The following VGLL3 variants were observed in gnomAD, a reference collection of about 807,000 sequenced individuals.
VGLL3 encodes the protein vestigial like family member 3, also known as transcription cofactor vestigial-like protein 3.
In VGLL3, 18 loss-of-function variants were observed where a neutral mutation model predicts 29.2. The observed-to-expected ratio is 0.62, with a 90% CI of 0.43 to 0.91. The LOEUF is 0.91. Among genes scored for constraint, VGLL3 ranks in the 40% least tolerant of loss-of-function variants. The pLI is 0.00. For missense variants in VGLL3, 440 were observed against 413.2 expected (o/e 1.06, Z -0.56); for synonymous variants, 180 against 151.8 (o/e 1.19, Z -1.36).
chr3:86,962,150 C>T (rs907183878), intron 3 of VGLL3: 3 of 985,206 alleles, frequency 3.0e-6, no homozygotes, highest in South Asian at 4.7e-5. Context: ...TGATAACAGC[C>T]TCTTGGTAAA....
chr3:86,963,459 G>C (rs112257316), intron 3 of VGLL3, among the ~76,000 whole-genome samples: 78 of 152,310 alleles, frequency 5.1e-4, no homozygotes, highest in African/African-American at 1.8e-3. Flanking sequence ...TTATTCCTAA[G>C]AGGAATAGGA....
At chr3:86,957,836 A>C (rs975276685) in intron 3 of VGLL3, among the ~76,000 whole-genome samples, 3 of 152,044 alleles carry the variant, frequency 2.0e-5, no homozygotes, top group Non-Finnish European at 4.4e-5. Flanking sequence ...CTTTCAATGC[A>C]TACATACAAA....
chr3:86,968,614 C>A lies in VGLL3; in HGVS notation c.913G>T (p.Val305Leu). ...CCTGTATCGAATCCCACGCTGGGCACTATGTCTACTGTTCCATGAAAGGCT... is the reference window on the plus strand; with the variant it reads ...CCTGTATCGAATCCCACGCTGGGCAATATGTCTACTGTTCCATGAAAGGCT... The part of the protein sequence containing the change: ...AGAFHGTVDI[V>L]PSVGFDTGLQ... Residue 305 changes from valine to leucine, a missense_variant, in exon 3 of 4, where the codon GTG becomes TTG. Coordinates refer to ENST00000398399, the MANE Select transcript of VGLL3 (RefSeq NM_016206.4). 6.2e-7 allele frequency: 1 copy of A among 1,614,010 alleles called. No homozygotes were observed. The highest frequency in any genetic ancestry group is 8.5e-7 in the Non-Finnish European group (1 of 1,180,016).
intron 1 of VGLL3, among the ~76,000 whole-genome samples, chr3:86,988,338 G>A (rs534681056): frequency 8.6e-5 from 13 of 151,850 alleles, no homozygotes; most frequent in African/African-American, 2.9e-4. Flanking sequence ...TCCCATGTAC[G>A]GAGAAAACAA....
intron 2 of VGLL3, among the ~76,000 whole-genome samples, chr3:86,972,884 A>G (rs1439868973): frequency 6.6e-6 from 1 of 151,604 alleles, no homozygotes; most frequent in Non-Finnish European, 1.5e-5. Flanking sequence ...ACACATACAT[A>G]CACACGAGTT....
intron 1 of VGLL3, among the ~76,000 whole-genome samples, chr3:86,986,041 A>G (rs1705433794): frequency 9.6e-6 from 1 of 104,620 alleles, no homozygotes; most frequent in Non-Finnish European, 2.4e-5. Flanking sequence ...ACACACACAC[A>G]CGTATACACA....
chr3:86,949,618 A>G (rs1704573939), intron 3 of VGLL3, among the ~76,000 whole-genome samples: 1 of 151,954 alleles, frequency 6.6e-6, no homozygotes, highest in African/African-American at 2.4e-5. Context: ...CGAGGTCAGG[A>G]GATCGAGACC....
At chr3:86,990,413 A>C (rs1299862057) in intron 1 of VGLL3, 7 of 983,686 alleles carry the variant, frequency 7.1e-6, no homozygotes, top group Non-Finnish European at 8.5e-6. Context: ...TGAAGCCCCC[A>C]GCTAGGTCAT....
chr3:86,960,756 A>G lies in VGLL3; in HGVS notation c.937+7834T>C, dbSNP rs142762521. Reference sequence around the variant, plus strand: ...GTGTTTAATATCTGGATATAATCACAGTTTGGGGCCAGCTCATATAATGAC... The same window carrying G: ...GTGTTTAATATCTGGATATAATCACGGTTTGGGGCCAGCTCATATAATGAC... On this transcript the variant is annotated intron_variant, in intron 3 of 3. Transcript: ENST00000398399. 4.2e-3 allele frequency among the ~76,000 whole-genome samples: 636 copies of G among 152,082 alleles called. 6 individuals are homozygous for G. Among genetic ancestry groups the G allele is most frequent in the African/African-American group, 0.015 (604 of 41,486 alleles).
At chr3:86,980,717 T>C (rs1389831251) in intron 1 of VGLL3, among the ~76,000 whole-genome samples, 1 of 152,142 alleles carries the variant, frequency 6.6e-6, no homozygotes, top group Admixed American at 6.5e-5. Flanking sequence ...TTATGATTTA[T>C]TAGTCAAATC....
At chr3:86,965,465 T>C (rs1458711257) in intron 3 of VGLL3, among the ~76,000 whole-genome samples, 1 of 152,150 alleles carries the variant, frequency 6.6e-6, no homozygotes, top group African/African-American at 2.4e-5. Flanking sequence ...CTGCTACCCC[T>C]TCCTAGCTTG....
At chr3:86,988,568 G>T (rs190753512) in intron 1 of VGLL3, among the ~76,000 whole-genome samples, 1 of 135,620 alleles carries the variant, frequency 7.4e-6, no homozygotes, top group Non-Finnish European at 1.5e-5. Flanking sequence ...TAAAAGAACA[G>T]TAGTTACACT....
intron 1 of VGLL3, among the ~76,000 whole-genome samples, chr3:86,980,946 C>T (rs1705313415): frequency 6.6e-6 from 1 of 151,878 alleles, no homozygotes; most frequent in South Asian, 2.1e-4. Flanking sequence ...TAATGTCCAG[C>T]TCAGCATCAG....
At chr3:86,956,505 G>C (rs564841261) in intron 3 of VGLL3, among the ~76,000 whole-genome samples, 29 of 152,306 alleles carry the variant, frequency 1.9e-4, no homozygotes, top group African/African-American at 6.3e-4. Flanking sequence ...GAAAATACTT[G>C]GCCTGGCGCA....
At position 86,939,066 on chromosome 3, in the gene VGLL3, A is replaced by T. The variant is rs2232716; in HGVS notation, c.*7958T>A. ...ACCCTTTGGATTCTGAAGCACTATA[A>T]TAACTACATGAAACATTTGAAATAG... is the stretch of plus-strand genomic sequence containing the variant. On this transcript the variant is annotated 3_prime_UTR_variant, in exon 4 of 4. Coordinates refer to ENST00000398399, the MANE Select transcript of VGLL3 (RefSeq NM_016206.4). The T allele has an allele frequency of 6.6e-6, 1 of 152,174 alleles. No homozygotes were observed. Among genetic ancestry groups the T allele is most frequent in the Non-Finnish European group, 1.5e-5 (1 of 68,048 alleles). 9.4% of individuals were successfully genotyped at this position (152,174 alleles called of 1,614,324 possible). A position where few individuals can be genotyped will look rare whatever the true frequency, so the allele number is the denominator to read the frequency against.
chr3:86,952,693 C>A (rs1704639588), intron 3 of VGLL3, among the ~76,000 whole-genome samples: 1 of 152,076 alleles, frequency 6.6e-6, no homozygotes, highest in Non-Finnish European at 1.5e-5. Flanking sequence ...GGTAACATTT[C>A]TATATTTAAA....
intron 3 of VGLL3, among the ~76,000 whole-genome samples, chr3:86,961,637 G>C (rs937795093): frequency 1.3e-5 from 2 of 152,148 alleles, no homozygotes; most frequent in African/African-American, 4.8e-5. Context: ...AAGGGGCCCA[G>C]TATAATACTC....
intron 1 of VGLL3, among the ~76,000 whole-genome samples, chr3:86,982,828 C>G (rs1705354949): frequency 6.6e-6 from 1 of 152,184 alleles, no homozygotes; most frequent in Non-Finnish European, 1.5e-5. Flanking sequence ...CTCTTCACCA[C>G]TACATAGTTA....
At chr3:86,972,889 C>A (rs13077907) in intron 2 of VGLL3, among the ~76,000 whole-genome samples, 81 of 150,986 alleles carry the variant, frequency 5.4e-4, no homozygotes, top group Middle Eastern at 3.4e-3. Context: ...TACATACACA[C>A]GAGTTTATTT....
Sources: gnomAD v4.1 joint callset for allele counts (sites outside exome capture counted in the v4.1 genomes callset) on GRCh38, gnomAD v4.1.1 for gene constraint, MANE v1.5 for transcripts, NCBI Gene and HGNC (gene_info 2026-07-23, HGNC 2026-07-21) for gene names.